Variants in PSD2 observed in about 807,000 individuals in gnomAD.
PSD2 encodes the protein PH and SEC7 domain-containing protein 2.
Under a neutral mutation model 69.8 loss-of-function variants are expected in PSD2, and 38 were observed. That is an observed-to-expected ratio of 0.54 (90% CI 0.42 to 0.71). PSD2 has a LOEUF of 0.71. Among genes scored for constraint, PSD2 ranks in the 30% least tolerant of loss-of-function variants. PSD2 has a pLI of 0.00. For missense variants in PSD2, 943 were observed against 1,014.5 expected (o/e 0.93, Z 0.96); for synonymous variants, 412 against 423.0 (o/e 0.97, Z 0.32).
intron 5 of PSD2, among the ~76,000 whole-genome samples, chr5:139,819,297 G>A (rs188043799): frequency 6.2e-4 from 95 of 152,246 alleles, no homozygotes; most frequent in Middle Eastern, 3.4e-3. Context: ...CCAGGCCCTC[G>A]GAGTTTTCTA....
chr5:139,752,638 C>A, the PSD2 span, among the ~76,000 whole-genome samples: 2 of 152,296 alleles, frequency 1.3e-5, no homozygotes, highest in East Asian at 3.9e-4. Context: ...ACCACAGGCA[C>A]ACATAGGTCA....
In PSD2 at chr5:139,823,630, C is replaced by T. The variant is rs564010834; in HGVS notation, c.1269+846C>T. Among the ~76,000 whole-genome samples the T allele has an allele frequency of 5.3e-5, 8 of 152,308 alleles. No homozygotes were observed. The East Asian group carries it at 1.3e-3, about 26-fold the overall frequency. ...GCAAGCACTGGCCCTCTCTGGGCCT[C>T]AGGTTCCACATCTGTGAGGTGGGAA... On this transcript the variant is annotated intron_variant, in intron 7 of 14. Coordinates refer to ENST00000274710, the MANE Select transcript of PSD2 (RefSeq NM_032289.4).
rs1334631036 is a variant in PSD2, at chr5:139,795,987, C to G, written c.-51+12C>G. On this transcript the variant is annotated intron_variant, in intron 1 of 14. Coordinates refer to ENST00000274710, the MANE Select transcript of PSD2 (RefSeq NM_032289.4). The surrounding 1 kb of genome is among the most constrained non-coding windows in gnomAD (Gnocchi z 4.5). ...GGGGACCAGCAGCGGTGAGTGGGGC[C>G]GCGGGGCTCCGGGACCCGCCCCTCC... is the stretch of plus-strand genomic sequence containing the variant. 6.6e-6 allele frequency: 1 copy of G among 150,898 alleles called. No homozygotes were observed. Among genetic ancestry groups the G allele is most frequent in the South Asian group, 2.1e-4 (1 of 4,830 alleles). 9.3% of individuals were successfully genotyped at this position (150,898 alleles called of 1,614,324 possible).
chr5:139,835,904 T>C lies in PSD2; in HGVS notation c.1403+138T>C, dbSNP rs1250570383. On this transcript the variant is annotated intron_variant, in intron 9 of 14. Transcript: ENST00000274710. Reference sequence around the variant, plus strand: ...CCAGGGCCTGATACCTGTGTCTAGCTGGCGCACACCTGGTGTTGAATTCCC... The same window carrying C: ...CCAGGGCCTGATACCTGTGTCTAGCCGGCGCACACCTGGTGTTGAATTCCC... 6 of 795,090 alleles carry C rather than the reference T, an allele frequency of 7.5e-6. No individual in the cohort carries two copies. In the African/African-American group the frequency reaches 1.0e-4, roughly 14 times the overall value. The allele number at this position is 795,090 out of a possible 1,614,324, so 49.3% of individuals were successfully genotyped here. A position where few individuals can be genotyped will look rare whatever the true frequency, so the allele number is the denominator to read the frequency against.
At chr5:139,794,971 G>A (rs985368119), upstream of PSD2, among the ~76,000 whole-genome samples, 5 of 152,224 alleles carry the variant, frequency 3.3e-5, no homozygotes, top group South Asian at 2.1e-4. Context: ...CTTGCCCTTG[G>A]GGAGACACCG....
the PSD2 span, among the ~76,000 whole-genome samples, chr5:139,786,576 C>G: frequency 6.6e-6 from 1 of 152,172 alleles, no homozygotes; most frequent in Non-Finnish European, 1.5e-5. Flanking sequence ...CACCATCAGT[C>G]AGTCCATGTG....
the PSD2 span, among the ~76,000 whole-genome samples, chr5:139,773,116 G>T: frequency 1.4e-3 from 207 of 152,094 alleles, 1 homozygote; most frequent in African/African-American, 4.6e-3. Flanking sequence ...TCACATTATT[G>T]TGCAACCGTC....
At chr5:139,831,365 T>C (rs1760595145) in intron 7 of PSD2, among the ~76,000 whole-genome samples, 1 of 152,240 alleles carries the variant, frequency 6.6e-6, no homozygotes, top group Admixed American at 6.5e-5. Context: ...TAAAATTTGG[T>C]AATAATGTTA....
chr5:139,767,987 A>G, the PSD2 span, among the ~76,000 whole-genome samples: 4 of 152,214 alleles, frequency 2.6e-5, no homozygotes, highest in African/African-American at 9.7e-5. Context: ...AGGCAGAGAG[A>G]GGGACAAGAA....
chr5:139,831,963 C>T (rs1339416473), intron 7 of PSD2, among the ~76,000 whole-genome samples: 1 of 152,202 alleles, frequency 6.6e-6, no homozygotes, highest in Non-Finnish European at 1.5e-5. Context: ...CACTTAGCCG[C>T]TCAGCCCCTG....
At chr5:139,789,261 C>T in the PSD2 span, among the ~76,000 whole-genome samples, 324 of 152,296 alleles carry the variant, frequency 2.1e-3, 2 homozygotes, top group Non-Finnish European at 3.8e-3. Context: ...AGGGTCCTTG[C>T]GCTCATGGAG....
chr5:139,765,674 G>A, the PSD2 span, among the ~76,000 whole-genome samples: 1 of 152,248 alleles, frequency 6.6e-6, no homozygotes, highest in African/African-American at 2.4e-5. Context: ...CGAAGCGCGG[G>A]GCGCGGCTGG....
intron 1 of PSD2, among the ~76,000 whole-genome samples, chr5:139,799,388 G>A (rs557358891): frequency 1.3e-5 from 2 of 152,286 alleles, no homozygotes; most frequent in African/African-American, 4.8e-5. Context: ...ACTCAGACAG[G>A]TGCTGTTGGT....
At chr5:139,797,493 G>T (rs1023324569) in intron 1 of PSD2, among the ~76,000 whole-genome samples, 3 of 152,198 alleles carry the variant, frequency 2.0e-5, no homozygotes, top group Non-Finnish European at 4.4e-5. Flanking sequence ...AGGCCTCCCC[G>T]CTGCAGCTTG....
the PSD2 span, among the ~76,000 whole-genome samples, chr5:139,769,104 G>A: frequency 6.6e-6 from 1 of 152,086 alleles, no homozygotes; most frequent in Non-Finnish European, 1.5e-5. Context: ...CAGCCTGGTG[G>A]GTTGGGGAAG....
the PSD2 span, among the ~76,000 whole-genome samples, chr5:139,766,937 CTT>C: frequency 5.3e-5 from 4 of 74,812 alleles, no homozygotes; most frequent in Admixed American, 2.7e-4. Context: ...TCCCTTCTTT[CTT>C]TCTTTCTTTC....
intron 7 of PSD2, among the ~76,000 whole-genome samples, chr5:139,830,567 T>TTCC (rs1561605215): frequency 1.5e-5 from 2 of 133,158 alleles, no homozygotes; most frequent in African/African-American, 6.7e-5. Context: ...CCTTCCTTCC[T>TTCC]TTCTTTCTTT....
chr5:139,802,171 A>G (rs923023160), intron 1 of PSD2, among the ~76,000 whole-genome samples: 1 of 147,100 alleles, frequency 6.8e-6, no homozygotes, highest in African/African-American at 2.5e-5. Context: ...GCTACATAAC[A>G]CAGAGATTGG....
At chr5:139,792,724 T>C (rs1448688190), upstream of PSD2, among the ~76,000 whole-genome samples, 1 of 151,950 alleles carries the variant, frequency 6.6e-6, no homozygotes, top group African/African-American at 2.4e-5. Context: ...TTCTTTTCTT[T>C]TCTTTCTCTC....
Sources: gnomAD v4.1 joint callset for allele counts (sites outside exome capture counted in the v4.1 genomes callset) on GRCh38, gnomAD v4.1.1 for gene constraint, Gnocchi (gnomAD v3.1) non-coding constraint, MANE v1.5 for transcripts, NCBI Gene and HGNC (gene_info 2026-07-23, HGNC 2026-07-21) for gene names.